RORA: variants seen among roughly 807,000 people sequenced by gnomAD.
RORA encodes nuclear receptor ROR-alpha.
RORA carries 7 observed loss-of-function variants against 69.5 expected under a neutral mutation model. The ratio of observed to expected loss-of-function variants is 0.10; its 90% CI spans 0.06 to 0.19. The LOEUF is 0.19. RORA is among the 10% of genes least tolerant of loss of function. The pLI, the probability that RORA is intolerant of heterozygous loss-of-function variation, is 1.00. For missense variants in RORA, 457 were observed against 663.0 expected (o/e 0.69, Z 3.41); for synonymous variants, 261 against 240.8 (o/e 1.08, Z -0.78).
chr15:61,148,724 A>G (rs984499330), intron 1 of RORA, among the ~76,000 whole-genome samples: 3 of 152,216 alleles, frequency 2.0e-5, no homozygotes, highest in African/African-American at 7.2e-5. Flanking sequence ...CCAAATGTCC[A>G]ATATTATTAT....
chr15:60,660,343 T>A (rs1021039182), intron 2 of RORA, among the ~76,000 whole-genome samples: 1 of 152,190 alleles, frequency 6.6e-6, no homozygotes, highest in African/African-American at 2.4e-5. Context: ...CCCAAATGCA[T>A]AAATGATTTA....
chr15:61,122,290 G>A (rs1029324272), intron 1 of RORA, among the ~76,000 whole-genome samples: 8 of 152,146 alleles, frequency 5.3e-5, no homozygotes, highest in Admixed American at 5.2e-4. Flanking sequence ...CTCTTCTATT[G>A]TGGAGAAGAC....
At chr15:60,815,509 T>C (rs1244588785) in intron 1 of RORA, among the ~76,000 whole-genome samples, 1 of 152,132 alleles carries the variant, frequency 6.6e-6, no homozygotes, top group African/African-American at 2.4e-5. Flanking sequence ...TGGCTTGTTT[T>C]CACAGCCGAG....
chr15:61,160,549 C>T (rs1207379729), intron 1 of RORA, among the ~76,000 whole-genome samples: 3 of 152,114 alleles, frequency 2.0e-5, no homozygotes, highest in South Asian at 2.1e-4. Context: ...CATGAAACAA[C>T]GGCGAAGAAG....
chr15:61,047,204 G>A (rs940384358), intron 1 of RORA, among the ~76,000 whole-genome samples: 1 of 152,240 alleles, frequency 6.6e-6, no homozygotes, highest in African/African-American at 2.4e-5. Context: ...CCGTCCTTAT[G>A]CCCAGCATCC....
chr15:60,571,331 G>T (rs776917414), intron 2 of RORA, among the ~76,000 whole-genome samples: 4 of 152,140 alleles, frequency 2.6e-5, no homozygotes, highest in African/African-American at 9.7e-5. Flanking sequence ...TTTTGTGTGT[G>T]TGTGTGTGCC....
intron 5 of RORA, among the ~76,000 whole-genome samples, chr15:60,507,995 G>A (rs1470658570): frequency 6.6e-6 from 1 of 152,244 alleles, no homozygotes; most frequent in African/African-American, 2.4e-5. Flanking sequence ...GTAGAGGGCA[G>A]TGGTTGCATT....
intron 2 of RORA, among the ~76,000 whole-genome samples, chr15:60,664,647 T>C (rs2070355296): frequency 6.6e-6 from 1 of 152,196 alleles, no homozygotes; most frequent in South Asian, 2.1e-4. Context: ...AAGGGACATT[T>C]TTTTCTCTTT....
intron 1 of RORA, among the ~76,000 whole-genome samples, chr15:60,898,941 A>G (rs1161641273): frequency 6.6e-6 from 1 of 152,188 alleles, no homozygotes; most frequent in African/African-American, 2.4e-5. Context: ...TTACTAATAG[A>G]TGAGACCATG....
At chr15:60,762,604 G>C (rs1275052009) in intron 1 of RORA, among the ~76,000 whole-genome samples, 1 of 152,018 alleles carries the variant, frequency 6.6e-6, no homozygotes, top group Non-Finnish European at 1.5e-5. Context: ...AGCATCTCCA[G>C]GTTGCTTATA....
intron 1 of RORA, among the ~76,000 whole-genome samples, chr15:60,718,467 A>G (rs2071248701): frequency 4.6e-5 from 7 of 152,232 alleles, no homozygotes; most frequent in Admixed American, 4.6e-4. Context: ...AGATTTACAA[A>G]TTGAATAGAA....
chr15:61,126,195 T>A (rs559851639), intron 1 of RORA, among the ~76,000 whole-genome samples: 3 of 152,180 alleles, frequency 2.0e-5, no homozygotes, highest in Non-Finnish European at 4.4e-5. Flanking sequence ...GGCTCTCAGA[T>A]GTCTTTTCCC....
intron 1 of RORA, among the ~76,000 whole-genome samples, chr15:60,932,873 C>A (rs548276046): frequency 1.3e-5 from 2 of 152,278 alleles, no homozygotes; most frequent in African/African-American, 4.8e-5. Context: ...GAGTGTGGAA[C>A]AGAAAAGCAG....
intron 1 of RORA, among the ~76,000 whole-genome samples, chr15:61,047,578 G>A (rs889001458): frequency 2.6e-5 from 4 of 151,874 alleles, no homozygotes; most frequent in African/African-American, 9.7e-5. Flanking sequence ...CATAAATCAG[G>A]ATAAAGGTGT....
Position 60,519,429 on chromosome 15 carries a change from A to G in RORA, c.283-4672T>C, listed in dbSNP as rs527762481. ...GAGTCCTCGCTGTAGCATGGGGTAA[A>G]GCCAGGATATGACTTCACATAGTTT... On this transcript the variant is annotated intron_variant, in intron 3 of 10. Coordinates refer to ENST00000335670, the MANE Select transcript of RORA (RefSeq NM_134261.3). 3.9e-5 allele frequency among the ~76,000 whole-genome samples: 6 copies of G among 152,296 alleles called. No homozygotes were observed. In the South Asian group the frequency reaches 1.0e-3, roughly 26 times the overall value.
chr15:61,083,915 A>G (rs1025473981), intron 1 of RORA, among the ~76,000 whole-genome samples: 4 of 152,188 alleles, frequency 2.6e-5, no homozygotes, highest in African/African-American at 9.6e-5. Flanking sequence ...ATATGAAGAA[A>G]GCACAAACAA....
chr15:61,144,723 A>G (rs533413710), intron 1 of RORA, among the ~76,000 whole-genome samples: 1 of 152,322 alleles, frequency 6.6e-6, no homozygotes, highest in East Asian at 1.9e-4. Flanking sequence ...TCTTGGAGGA[A>G]AATTTGGCAG....
At chr15:60,571,238 A>G (rs2067871578) in intron 2 of RORA, among the ~76,000 whole-genome samples, 2 of 151,970 alleles carry the variant, frequency 1.3e-5, no homozygotes, top group Non-Finnish European at 2.9e-5. Context: ...CACAATACTC[A>G]GCATGAAGGG....
At chr15:60,835,887 A>G (rs1054543983) in intron 1 of RORA, among the ~76,000 whole-genome samples, 1 of 152,208 alleles carries the variant, frequency 6.6e-6, no homozygotes, top group African/African-American at 2.4e-5. Context: ...TGGCATTGAT[A>G]TGAAAACTTA....
Sources: gnomAD v4.1 joint callset for allele counts (sites outside exome capture counted in the v4.1 genomes callset) on GRCh38, gnomAD v4.1.1 for gene constraint, MANE v1.5 for transcripts, NCBI Gene and HGNC (gene_info 2026-07-23, HGNC 2026-07-21) for gene names.